ITGAE: variants seen among roughly 807,000 people sequenced by gnomAD.
ITGAE encodes integrin alpha-E.
Under a neutral mutation model 136.5 loss-of-function variants are expected in ITGAE, and 99 were observed. The ratio of observed to expected loss-of-function variants is 0.73; its 90% CI spans 0.62 to 0.86. The LOEUF (loss-of-function observed/expected upper bound fraction) is 0.86. ITGAE is among the 40% of genes least tolerant of loss of function. ITGAE has a pLI of 0.00. For synonymous variants in ITGAE, 613 were observed against 591.8 expected, an observed-to-expected ratio of 1.04 and a Z score of -0.52; for missense variants, 1,447 against 1,515.3, an observed-to-expected ratio of 0.95 and a Z score of 0.75.
intron 1 of ITGAE, among the ~76,000 whole-genome samples, chr17:3,788,390 A>C: frequency 6.6e-6 from 1 of 150,978 alleles, no homozygotes; most frequent in East Asian, 1.9e-4. Context: ...CCTGGGCTCA[A>C]GTGGTTTTCC....
intron 28 of ITGAE, among the ~76,000 whole-genome samples, 159 bp downstream of exon 28, chr17:3,723,129 G>C (rs754670181): frequency 6.6e-6 from 1 of 152,218 alleles, no homozygotes; most frequent in Non-Finnish European, 1.5e-5. Flanking sequence ...TCCCTCCTGA[G>C]GGTAGCTAAG....
At chr17:3,776,867 T>A (rs1371334032) in intron 2 of ITGAE, among the ~76,000 whole-genome samples, 1 of 151,542 alleles carries the variant, frequency 6.6e-6, no homozygotes, top group East Asian at 1.9e-4. Context: ...CCCAGTTTTT[T>A]CTTTGTTATT....
intron 2 of ITGAE, among the ~76,000 whole-genome samples, chr17:3,764,592 G>A (rs1210452480): frequency 6.6e-6 from 1 of 152,162 alleles, no homozygotes; most frequent in Non-Finnish European, 1.5e-5. Context: ...AGCTACTCAG[G>A]AGGCTGAGGC....
intron 1 of ITGAE, among the ~76,000 whole-genome samples, chr17:3,782,790 C>CT (rs1263219211): frequency 6.6e-6 from 1 of 152,116 alleles, no homozygotes; most frequent in Non-Finnish European, 1.5e-5. Flanking sequence ...GGCAACACTC[C>CT]TTTTTTTGGT....
chr17:3,789,716 G>C (rs183653184), intron 1 of ITGAE, among the ~76,000 whole-genome samples: 28 of 152,166 alleles, frequency 1.8e-4, no homozygotes, highest in Non-Finnish European at 3.4e-4. Context: ...GGCCAGGCTG[G>C]TCTTGAACTC....
intron 28 of ITGAE, chr17:3,721,697 C>G (rs955782758): frequency 6.6e-6 from 1 of 152,188 alleles, no homozygotes; most frequent in Admixed American, 6.5e-5. Context: ...AACTTGATCA[C>G]TTGATCACTA....
At chr17:3,779,969 C>G (rs2052625960) in intron 1 of ITGAE, among the ~76,000 whole-genome samples, 1 of 151,360 alleles carries the variant, frequency 6.6e-6, no homozygotes, top group Non-Finnish European at 1.5e-5. Context: ...TCATCTTGTT[C>G]CAAAATTATT....
rs748115974 is a variant in ITGAE at position 3,734,910 on chromosome 17, C to T, written c.2562G>A (p.Leu854=). Residue 854 remains leucine (L), a synonymous_variant, in exon 21 of 31, where the codon CTG becomes CTA. Transcript: ENST00000263087. ...CCCCGGAGTTAGTTAGGTTAATGTT[C>T]AGGGTCAGCTCCTTTGTGAGACCCA... The part of the protein sequence containing the change: ...LVVGLTKELT[L]NINLTNSGED... 1.2e-6 allele frequency: 2 copies of T among 1,614,184 alleles called. No individual in the cohort carries two copies. The highest frequency in any genetic ancestry group is 4.5e-5 in the East Asian group (2 of 44,880).
Position 3,755,103 on chromosome 17 carries a change from G to GGCCCCGCCCTCACCCAGGTA in ITGAE, c.1378_1384+13dup. 1 of 1,580,638 alleles carries GGCCCCGCCCTCACCCAGGTA rather than the reference G, an allele frequency of 6.3e-7. No homozygotes were observed. The highest frequency in any genetic ancestry group is 8.6e-7 in the Non-Finnish European group (1 of 1,167,390). On this transcript the variant is annotated intron_variant, in intron 12 of 30. Transcript: ENST00000263087. ...TCAGGTGGCCCCGCCCTCATCAGGTGGCCCCGCCCTCACCCAGGTAGCTGT... is the reference window on the plus strand; with the variant it reads ...TCAGGTGGCCCCGCCCTCATCAGGTGGCCCCGCCCTCACCCAGGTAGCCCCGCCCTCACCCAGGTAGCTGT...
At chr17:3,761,218 T>C (rs759064352) in intron 5 of ITGAE, 41 bp from the exon 6 acceptor site, 2 of 1,600,042 alleles carry the variant, frequency 1.2e-6, no homozygotes, top group Non-Finnish European at 1.7e-6. Flanking sequence ...TCAGAAAGGC[T>C]CCATCCTCGC....
chr17:3,753,534 G>A (rs2051923916), intron 13 of ITGAE, 104 bp from the exon 14 acceptor site: 4 of 1,402,572 alleles, frequency 2.9e-6, no homozygotes, highest in South Asian at 1.3e-5. Flanking sequence ...AATTTGGGTC[G>A]TTACATATCA....
chr17:3,775,386 A>G (rs2052515955), intron 2 of ITGAE, among the ~76,000 whole-genome samples: 1 of 152,104 alleles, frequency 6.6e-6, no homozygotes, highest in Non-Finnish European at 1.5e-5. Flanking sequence ...TCATATCAGT[A>G]TTTTTCCCAT....
chr17:3,763,331 T>C (rs1238737557), intron 3 of ITGAE, among the ~76,000 whole-genome samples: 2 of 152,024 alleles, frequency 1.3e-5, no homozygotes, highest in African/African-American at 4.8e-5. Context: ...CATTCATTCA[T>C]TCATTCAAAT....
rs200187864 is a variant in ITGAE, at chr17:3,753,752, A to G, written c.1527+31T>C. 1,010 of 1,612,878 alleles carry G rather than the reference A, an allele frequency of 6.3e-4. 6 individuals carry two copies. The African/African-American group carries it at 0.011, about 18-fold the overall frequency. On this transcript the variant is annotated intron_variant, in intron 13 of 30. Transcript: ENST00000263087. ...GGGGCCTCCAGATTCCCCATCGGTC[A>G]TAAGGGGTGGAGGCTTTCCCCAGCA...
chr17:3,745,567 C>T lies in ITGAE; in HGVS notation c.2319+197G>A, dbSNP rs561978456. On this transcript the variant is annotated intron_variant, in intron 18 of 30. Transcript: ENST00000263087. ...GTGTTGGCCCGGCTGGTCTCGAACT[C>T]CTGACCTCAAGTGATCCCCCCGCCT... Among the ~76,000 whole-genome samples the T allele has an allele frequency of 3.8e-3, 575 of 152,312 alleles. 4 individuals carry two copies. Among genetic ancestry groups the T allele is most frequent in the African/African-American group, 0.013 (538 of 41,562 alleles).
In ITGAE at chr17:3,774,490, G is replaced by A. The variant is rs1459205551; in HGVS notation, c.155+3050C>T. Among the ~76,000 whole-genome samples the A allele has an allele frequency of 2.0e-5, 3 of 152,324 alleles. No individual in the cohort carries two copies. In the South Asian group the frequency reaches 6.2e-4, roughly 32 times the overall value. ...ACTAGAAGTCATTTTGGGGCCAGGT[G>A]CGGTGGCTCATGCCTGTAATCCCAG... On this transcript the variant is annotated intron_variant, in intron 2 of 30. Coordinates refer to ENST00000263087, the MANE Select transcript of ITGAE (RefSeq NM_002208.5).
chr17:3,787,073 G>A (rs1199272136), intron 1 of ITGAE, among the ~76,000 whole-genome samples: 1 of 151,464 alleles, frequency 6.6e-6, no homozygotes, highest in Non-Finnish European at 1.5e-5. Context: ...ACTAATTTCT[G>A]ATAAAAAGTC....
rs2053169891 is a variant in ITGAE at position 3,798,277 on chromosome 17, T to C, written c.34+2834A>G. On this transcript the variant is annotated intron_variant, in intron 1 of 30. Coordinates refer to ENST00000263087, the MANE Select transcript of ITGAE (RefSeq NM_002208.5). This position sits in a 1 kb window ranked among gnomAD's most constrained non-coding sequence, Gnocchi z 4.3. ...AGGCTACTGTGTGCACAACCTGCCT[T>C]CTCTTCACACAGGGGCTGGGATAGG... is the stretch of plus-strand genomic sequence containing the variant. 6.6e-6 allele frequency among the ~76,000 whole-genome samples: 1 copy of C among 152,066 alleles called. No homozygotes were observed. Among genetic ancestry groups the C allele is most frequent in the African/African-American group, 2.4e-5 (1 of 41,382 alleles).
At chr17:3,756,900 A>G in intron 10 of ITGAE, 84 bp downstream of exon 10, 2 of 1,457,834 alleles carry the variant, frequency 1.4e-6, no homozygotes, top group East Asian at 2.3e-5. Flanking sequence ...AGTTGCTCAG[A>G]GAAACCACAT....
Sources: allele counts gnomAD v4.1 joint callset (sites outside exome capture counted in the v4.1 genomes callset), GRCh38; gene constraint gnomAD v4.1.1; non-coding constraint Gnocchi (gnomAD v3.1); transcripts MANE v1.5; gene names NCBI Gene and HGNC (gene_info 2026-07-23, HGNC 2026-07-21).